The following MAP4 variants were observed in gnomAD, a reference collection of about 807,000 sequenced individuals.
MAP4 encodes the protein microtubule associated protein 4.
MAP4 carries 76 observed loss-of-function variants against 170.2 expected under a neutral mutation model. The ratio of observed to expected loss-of-function variants is 0.45; its 90% CI spans 0.37 to 0.54. MAP4 has a LOEUF of 0.54. Among genes scored for constraint, MAP4 ranks in the 20% least tolerant of loss-of-function variants. The pLI is 0.00. For missense variants in MAP4, 2,506 were observed against 2,748.0 expected (o/e 0.91, Z 1.97); for synonymous variants, 909 against 994.5 (o/e 0.91, Z 1.62).
intron 1 of MAP4, among the ~76,000 whole-genome samples, chr3:48,008,328 C>T (rs1238468479): frequency 6.6e-6 from 1 of 152,214 alleles, no homozygotes; most frequent in Non-Finnish European, 1.5e-5. Flanking sequence ...GCTTCACAGA[C>T]GGTTCTGCAT....
intron 10 of MAP4, among the ~76,000 whole-genome samples, chr3:47,884,673 C>A (rs28429841): frequency 2.6e-5 from 4 of 152,064 alleles, no homozygotes; most frequent in African/African-American, 9.7e-5. Flanking sequence ...ATGCTGGAAA[C>A]ATAGAATAGA....
chr3:47,908,615 A>C (rs1039846542), intron 9 of MAP4, among the ~76,000 whole-genome samples: 1 of 152,210 alleles, frequency 6.6e-6, no homozygotes, highest in Non-Finnish European at 1.5e-5. Flanking sequence ...AATTGAAAAA[A>C]ATCTCATGCA....
At chr3:47,944,858 A>G (rs577366430) in intron 3 of MAP4, among the ~76,000 whole-genome samples, 1 of 151,854 alleles carries the variant, frequency 6.6e-6, no homozygotes, top group Admixed American at 6.6e-5. Context: ...ATTATGAGAT[A>G]ACTGGTGAAT....
At chr3:47,853,758 C>A (rs2049064128) in intron 19 of MAP4, among the ~76,000 whole-genome samples, 1 of 152,240 alleles carries the variant, frequency 6.6e-6, no homozygotes, top group South Asian at 2.1e-4. Flanking sequence ...CCAGGCCACC[C>A]CCTGCACACA....
chr3:48,002,733 T>C (rs1054488756), intron 1 of MAP4, among the ~76,000 whole-genome samples: 2 of 147,748 alleles, frequency 1.4e-5, no homozygotes, highest in African/African-American at 2.5e-5. Flanking sequence ...ACACAAAAAT[T>C]AGCTGGGCGT....
intron 17 of MAP4, among the ~76,000 whole-genome samples, chr3:47,859,083 C>T (rs1044053462): frequency 2.6e-5 from 4 of 151,986 alleles, no homozygotes; most frequent in Admixed American, 6.6e-5. Flanking sequence ...GAGCCGAGAT[C>T]GTGCCACTGC....
At chr3:47,883,585 T>G (rs75264993) in intron 10 of MAP4, among the ~76,000 whole-genome samples, 2 of 152,218 alleles carry the variant, frequency 1.3e-5, no homozygotes, top group Admixed American at 1.3e-4. Flanking sequence ...CAAGCCTCCT[T>G]CTGTTACCAA....
chr3:48,002,742 G>A (rs1010035607), intron 1 of MAP4, among the ~76,000 whole-genome samples: 4 of 137,002 alleles, frequency 2.9e-5, no homozygotes, highest in Non-Finnish European at 3.2e-5. Flanking sequence ...TTAGCTGGGC[G>A]TGGTATCACA....
intron 3 of MAP4, among the ~76,000 whole-genome samples, chr3:47,957,805 T>C (rs1307775757): frequency 6.6e-6 from 1 of 152,154 alleles, no homozygotes; most frequent in Non-Finnish European, 1.5e-5. Context: ...GATGGGGTAA[T>C]GATTTCAATC....
At chr3:48,088,143 C>G (rs73831552) in intron 1 of MAP4, among the ~76,000 whole-genome samples, 98 of 152,258 alleles carry the variant, frequency 6.4e-4, no homozygotes, top group African/African-American at 2.3e-3. Flanking sequence ...GGTAATGTTT[C>G]CAACTGCCTC....
chr3:47,869,222 C>T lies in MAP4; in HGVS notation c.6400G>A (p.Ala2134Thr). 3.1e-6 allele frequency: 5 copies of T among 1,611,318 alleles called. No homozygotes were observed. The highest frequency in any genetic ancestry group is 4.2e-6 in the Non-Finnish European group (5 of 1,177,430). The change falls in exon 16 of 21, where the codon GCG (alanine) becomes ACG (threonine). Residue 2134 changes from alanine (A) to threonine (T), a missense_variant. Transcript: ENST00000683076. ...GPIASAQKQP[A>T]GKVQIVSKKV... The stretch of plus-strand genomic sequence containing the variant: ...GTCTAAATAAAACTCACTTTCCCCG[C>T]AGGTTGTTTCTGTGCACTTGCAATT...
chr3:48,061,157 T>C (rs1189660901), intron 1 of MAP4, among the ~76,000 whole-genome samples: 1 of 151,798 alleles, frequency 6.6e-6, no homozygotes, highest in Non-Finnish European at 1.5e-5. Context: ...AAAGAGCTCT[T>C]AAAATTTAAT....
rs112277132 is a variant in MAP4, at chr3:47,916,177, T to C, written c.1650A>G (p.Pro550=). ...CCAGGGGTGCTTCTGTTTTGAGGGC[T>C]GGGACCTGATCCTCAGTCAGGGCCA... ...MEVALTEDQV[P]ALKTEAPLAK... The change falls in exon 7 of 21, where the codon CCA becomes CCG. Residue 550 remains proline (P), a synonymous_variant. Coordinates refer to ENST00000683076, the MANE Select transcript of MAP4 (RefSeq NM_001385682.1). 6.2e-7 allele frequency: 1 copy of C among 1,614,228 alleles called. No individual in the cohort carries two copies. Among genetic ancestry groups the C allele is most frequent in the East Asian group, 2.2e-5 (1 of 44,888 alleles).
intron 17 of MAP4, among the ~76,000 whole-genome samples, chr3:47,859,580 G>T (rs1367143936): frequency 1.3e-5 from 2 of 152,084 alleles, no homozygotes; most frequent in Admixed American, 6.6e-5. Context: ...AGCTCAAAAG[G>T]TGCCTTCCAT....
In MAP4 at chr3:47,855,355, C is replaced by T. The variant is rs565303509; in HGVS notation, c.6589G>A (p.Gly2197Arg). Residue 2197 changes from glycine (G) to arginine (R), a missense_variant, in exon 19 of 21, where the codon GGA (glycine) becomes AGA (arginine). Gly to Arg is a moderately radical substitution (Grantham distance 125). Transcript: ENST00000683076. The surrounding 1 kb of genome is among the most constrained non-coding windows in gnomAD (Gnocchi z 5.1). ...KANIKHKPGG[G>R]DVKIESQKLN... is the part of the protein sequence containing the mutation. ...TTCTGACTTTCAATCTTGACATCTC[C>T]TCCACCTGGAACCACAAAGGAACTG... is the stretch of plus-strand genomic sequence containing the variant. 2 of 1,606,248 alleles carry T rather than the reference C, an allele frequency of 1.2e-6. No individual in the cohort carries two copies. The highest frequency in any genetic ancestry group is 1.7e-6 in the Non-Finnish European group (2 of 1,172,818).
At chr3:47,924,835 G>C (rs922639492) in intron 4 of MAP4, among the ~76,000 whole-genome samples, 5 of 151,484 alleles carry the variant, frequency 3.3e-5, no homozygotes, top group Non-Finnish European at 5.9e-5. Context: ...TTTTGAGATG[G>C]AGTCTCGCTC....
Position 47,901,532 on chromosome 3 carries a change from C to T in MAP4, c.5434+1418G>A, listed in dbSNP as rs533736926. On this transcript the variant is annotated intron_variant, in intron 10 of 20. Transcript: ENST00000683076. ...CTCTACAAAAAATACAAAAATTAGC[C>T]GGGCACGGAGGCACGCACCTGTAGT... 2.4e-4 allele frequency among the ~76,000 whole-genome samples: 37 copies of T among 152,004 alleles called. No individual in the cohort carries two copies. The South Asian group carries it at 7.3e-3, about 30-fold the overall frequency.
At chr3:47,863,921 G>GTGTGTGT (rs2073901008) in intron 17 of MAP4, among the ~76,000 whole-genome samples, 3 of 110,880 alleles carry the variant, frequency 2.7e-5, no homozygotes, top group South Asian at 2.8e-4. Context: ...TGTGGGTGTG[G>GTGTGTGT]GTGTGTGTGT....
chr3:48,066,791 CTT>C (rs1371645631), intron 1 of MAP4, among the ~76,000 whole-genome samples: 1 of 122,742 alleles, frequency 8.1e-6, no homozygotes, highest in South Asian at 2.9e-4. Flanking sequence ...GTCCCCACCT[CTT>C]TATTCTCTAA....
Sources: gnomAD v4.1 joint callset for allele counts (sites outside exome capture counted in the v4.1 genomes callset) on GRCh38, gnomAD v4.1.1 for gene constraint, Gnocchi (gnomAD v3.1) non-coding constraint, MANE v1.5 for transcripts, NCBI Gene and HGNC (gene_info 2026-07-23, HGNC 2026-07-21) for gene names.